The following UIMC1 variants were observed in gnomAD, a reference collection of about 807,000 sequenced individuals.
The protein encoded by UIMC1 is ubiquitin interaction motif containing 1.
UIMC1 carries 42 observed loss-of-function variants against 84.9 expected under a neutral mutation model. That is an observed-to-expected ratio of 0.49 (90% CI 0.39 to 0.64). The LOEUF is 0.64. Among genes scored for constraint, UIMC1 ranks in the 30% least tolerant of loss-of-function variants. The pLI is 0.00. For synonymous variants in UIMC1, 281 were observed against 293.0 expected (o/e 0.96, Z 0.42); for missense variants, 825 against 847.6 (o/e 0.97, Z 0.33).
intron 3 of UIMC1, among the ~76,000 whole-genome samples, chr5:176,972,506 C>T (rs754349164): frequency 1.3e-5 from 2 of 152,116 alleles, no homozygotes; most frequent in South Asian, 4.1e-4. Flanking sequence ...GAGGCCAAGC[C>T]AGGCAGATCA....
At chr5:176,966,330 G>A (rs1448823581) in intron 6 of UIMC1, among the ~76,000 whole-genome samples, 1 of 152,198 alleles carries the variant, frequency 6.6e-6, no homozygotes, top group African/African-American at 2.4e-5. Flanking sequence ...ACGTGAAACT[G>A]GGATTCAAAG....
intron 1 of UIMC1, among the ~76,000 whole-genome samples, chr5:177,014,535 A>G (rs1243288460): frequency 6.6e-6 from 1 of 152,136 alleles, no homozygotes; most frequent in African/African-American, 2.4e-5. Flanking sequence ...TGGAAGTTGA[A>G]TGAGTTTGTC....
Position 176,968,825 on chromosome 5 carries a change from A to G in UIMC1, c.930T>C (p.Ala310=). The change falls in exon 6 of 15, where the codon GCT becomes GCC. Residue 310 remains alanine (A), a synonymous_variant. Transcript: ENST00000511320. ...CTTTTTTATTAAGGAGCTGCCTCTG[A>G]GCCATTTTCAGGCTCTTTTGATAAA... ...LEVYQKSLKM[A]QRQLLNKKGF... The G allele has an allele frequency of 6.2e-7, 1 of 1,614,138 alleles. No homozygotes were observed. Among genetic ancestry groups the G allele is most frequent in the South Asian group, 1.1e-5 (1 of 91,080 alleles).
intron 10 of UIMC1, among the ~76,000 whole-genome samples, chr5:176,924,795 C>T (rs1325625084): frequency 1.3e-5 from 2 of 152,084 alleles, no homozygotes; most frequent in Non-Finnish European, 1.5e-5. Context: ...AATCCCAGCA[C>T]TTTGGGAGGC....
At chr5:176,908,407 GATAA>G (rs1374454140) in intron 12 of UIMC1, 112 bp downstream of exon 12, 1 of 1,048,606 alleles carries the variant, frequency 9.5e-7, no homozygotes, top group Non-Finnish European at 1.3e-6. Context: ...CTTGTTTCAA[GATAA>G]ATAGAGGGAA....
chr5:176,993,438 C>T (rs983932645), intron 1 of UIMC1, among the ~76,000 whole-genome samples: 4 of 152,078 alleles, frequency 2.6e-5, no homozygotes, highest in Non-Finnish European at 5.9e-5. Context: ...ATCCTCCCAC[C>T]CAGGTCTCCC....
At chr5:177,004,423 T>A (rs1018524198) in intron 1 of UIMC1, among the ~76,000 whole-genome samples, 1 of 152,174 alleles carries the variant, frequency 6.6e-6, no homozygotes, top group Non-Finnish European at 1.5e-5. Context: ...CAAGCAAGCC[T>A]GTATACAGTT....
intron 14 of UIMC1, 88 bp from the exon 15 acceptor site, chr5:176,905,580 T>C (rs750737042): frequency 1.7e-6 from 2 of 1,194,130 alleles, no homozygotes; most frequent in Non-Finnish European, 2.4e-6. Context: ...ATTTTACATA[T>C]CAGGGGATTA....
At chr5:176,974,699 A>C (rs182166550) in intron 3 of UIMC1, among the ~76,000 whole-genome samples, 1,625 of 152,032 alleles carry the variant, frequency 0.011, 10 homozygotes, top group South Asian at 0.025. Flanking sequence ...GTAGGCCCAT[A>C]TACTCAGGAG....
At chr5:176,993,413 T>C (rs1025487546) in intron 1 of UIMC1, among the ~76,000 whole-genome samples, 13 of 152,100 alleles carry the variant, frequency 8.5e-5, no homozygotes, top group Admixed American at 2.6e-4. Flanking sequence ...GGTCTCGAAC[T>C]CCTGGGCTCA....
intron 10 of UIMC1, 109 bp from the exon 11 acceptor site, chr5:176,911,498 T>A: frequency 1.7e-6 from 1 of 603,792 alleles, no homozygotes; most frequent in Non-Finnish European, 2.5e-6. Flanking sequence ...CTTATCCCAC[T>A]GGAAGAAGTG....
Position 176,905,199 on chromosome 5 carries a change from A to C in UIMC1, c.*83T>G. ...ACTGCAGGGCTAAAACTTGCTCAAC[A>C]ATGAACTAGGGACCACTATGGCTTA... is the stretch of plus-strand genomic sequence containing the variant. On this transcript the variant is annotated 3_prime_UTR_variant, in exon 15 of 15. Coordinates refer to ENST00000511320, the MANE Select transcript of UIMC1 (RefSeq NM_001199298.2). 6.8e-7 allele frequency: 1 copy of C among 1,464,840 alleles called. No homozygotes were observed. The highest frequency in any genetic ancestry group is 9.3e-7 in the Non-Finnish European group (1 of 1,077,608). The allele number at this position is 1,464,840 out of a possible 1,614,324, so 90.7% of individuals were successfully genotyped here.
At chr5:176,976,908 A>G (rs1770165944) in intron 2 of UIMC1, among the ~76,000 whole-genome samples, 1 of 152,188 alleles carries the variant, frequency 6.6e-6, no homozygotes, top group Non-Finnish European at 1.5e-5. Context: ...GGCAGTGGCC[A>G]TGGAGGGTAA....
At chr5:177,000,106 C>G (rs964679142) in intron 1 of UIMC1, among the ~76,000 whole-genome samples, 1 of 151,992 alleles carries the variant, frequency 6.6e-6, no homozygotes, top group Non-Finnish European at 1.5e-5. Flanking sequence ...TACAGGCGCC[C>G]GCCACCACAC....
rs773808823 is a variant in UIMC1, at chr5:176,996,344, C to G, written c.-9+10306G>C. Among the ~76,000 whole-genome samples the G allele has an allele frequency of 6.9e-4, 105 of 152,230 alleles. 1 individual carries two copies. Among genetic ancestry groups the G allele is most frequent in the Middle Eastern group, 3.4e-3 (1 of 294 alleles). On this transcript the variant is annotated intron_variant, in intron 1 of 14. Transcript: ENST00000511320. ...AGGGTAACTTTTGAGGTAATGTTCT[C>G]TATCTTGATTGTGGAGGTGATTACA...
chr5:176,960,046 T>G (rs996680588), intron 6 of UIMC1, among the ~76,000 whole-genome samples: 1 of 152,204 alleles, frequency 6.6e-6, no homozygotes, highest in Non-Finnish European at 1.5e-5. Context: ...CAAACAAAAT[T>G]ATTGTGCTTC....
intron 4 of UIMC1, chr5:176,970,271 CAAAAAA>C (rs57976266): frequency 5.9e-4 from 46 of 78,024 alleles, no homozygotes; most frequent in South Asian, 2.0e-3. Context: ...GACTCCATCT[CAAAAAA>C]AAAAAAAAAA....
chr5:176,954,738 ACT>A (rs1460800669), intron 8 of UIMC1, among the ~76,000 whole-genome samples: 7 of 148,346 alleles, frequency 4.7e-5, no homozygotes, highest in African/African-American at 1.5e-4. Context: ...CCTGGGCAAA[ACT>A]CTGTCTCAAA....
intron 8 of UIMC1, among the ~76,000 whole-genome samples, chr5:176,953,573 T>G (rs1766201640): frequency 6.7e-6 from 1 of 149,054 alleles, no homozygotes; most frequent in Non-Finnish European, 1.5e-5. Context: ...TTCAAAATCC[T>G]GTCAACTTTC....
Sources: gnomAD v4.1 joint callset for allele counts (sites outside exome capture counted in the v4.1 genomes callset) on GRCh38, gnomAD v4.1.1 for gene constraint, MANE v1.5 for transcripts, NCBI Gene and HGNC (gene_info 2026-07-23, HGNC 2026-07-21) for gene names.